The following RBFOX3 variants were observed in gnomAD, a reference collection of about 807,000 sequenced individuals.
RBFOX3 encodes RNA binding protein fox-1 homolog 3.
Under a neutral mutation model 48.7 loss-of-function variants are expected in RBFOX3, and 17 were observed. That is an observed-to-expected ratio of 0.35 (90% CI 0.24 to 0.52). The LOEUF (loss-of-function observed/expected upper bound fraction) is 0.52. Ranked by LOEUF, RBFOX3 falls within the 20% of genes least tolerant of loss-of-function variation. The pLI, the probability that RBFOX3 is intolerant of heterozygous loss-of-function variation, is 0.94. For missense variants in RBFOX3, 382 were observed against 497.5 expected (o/e 0.77, Z 2.21); for synonymous variants, 212 against 209.5 (o/e 1.01, Z -0.10).
At chr17:79,388,845 G>A (rs113398883) in intron 2 of RBFOX3, among the ~76,000 whole-genome samples, 2,380 of 152,296 alleles carry the variant, frequency 0.016, 72 homozygotes, top group African/African-American at 0.054. Context: ...CATCTTGCCC[G>A]CTAACCACTT....
At position 79,477,535 on chromosome 17, in the gene RBFOX3, G is replaced by A. The variant is rs1401230485; in HGVS notation, c.-175+4919C>T. Among the ~76,000 whole-genome samples, 32 of 151,224 alleles carry A rather than the reference G, an allele frequency of 2.1e-4. No homozygotes were observed. Among genetic ancestry groups the A allele is most frequent in the Non-Finnish European group, 2.7e-4 (18 of 67,902 alleles). On this transcript the variant is annotated intron_variant, in intron 2 of 14. Transcript: ENST00000693108. The surrounding 1 kb of genome is among the most constrained non-coding windows in gnomAD (Gnocchi z 4.8). ...CGCCCCATCGCACTCCAGCCTGGGC[G>A]ACAGAGCGAAACTCCGTCACCGGAA...
chr17:79,468,937 A>AGGATGGATGGAT (rs199614550), intron 2 of RBFOX3, among the ~76,000 whole-genome samples: 14 of 90,028 alleles, frequency 1.6e-4, no homozygotes, highest in African/African-American at 3.7e-4. Context: ...TAGAGACGGG[A>AGGATGGATGGAT]GGATGGATGG....
chr17:79,232,341 G>A (rs983305731), intron 4 of RBFOX3, among the ~76,000 whole-genome samples: 1 of 152,068 alleles, frequency 6.6e-6, no homozygotes, highest in Non-Finnish European at 1.5e-5. Context: ...TGAAAAAGAA[G>A]GACAAAGAAC....
intron 2 of RBFOX3, among the ~76,000 whole-genome samples, chr17:79,395,721 C>T (rs989466365): frequency 2.0e-5 from 3 of 152,232 alleles, no homozygotes; most frequent in African/African-American, 7.2e-5. Flanking sequence ...AAGCACAAGG[C>T]AGAAGCGCCT....
intron 2 of RBFOX3, among the ~76,000 whole-genome samples, chr17:79,402,895 C>T (rs1249740863): frequency 6.6e-6 from 1 of 152,114 alleles, no homozygotes; most frequent in Non-Finnish European, 1.5e-5. Flanking sequence ...TGGGGCTGCC[C>T]CGAGGTTGCA....
Position 79,299,553 on chromosome 17 carries a change from G to A in RBFOX3, c.-74+8171C>T, listed in dbSNP as rs982100358. ...ATCTCCAGGGTACTGGAGGATGCAC[G>A]TGGGTTACATGCAGAGGCTGCGCCA... On this transcript the variant is annotated intron_variant, in intron 3 of 14. Transcript: ENST00000693108. The surrounding 1 kb of genome is among the most constrained non-coding windows in gnomAD (Gnocchi z 4.5). 5.9e-5 allele frequency among the ~76,000 whole-genome samples: 9 copies of A among 152,240 alleles called. No homozygotes were observed. The highest frequency in any genetic ancestry group is 2.1e-4 in the South Asian group (1 of 4,832).
chr17:79,538,436 A>C (rs1286392934), intron 1 of RBFOX3, among the ~76,000 whole-genome samples: 2 of 152,164 alleles, frequency 1.3e-5, no homozygotes, highest in African/African-American at 4.8e-5. Context: ...AGTGAAGGGC[A>C]AGTTTGGCCT....
chr17:79,106,774 C>T lies in RBFOX3; in HGVS notation c.237G>A (p.Ala79=), dbSNP rs770647329. 2.9e-5 allele frequency: 44 copies of T among 1,522,656 alleles called. No individual in the cohort carries two copies. Among genetic ancestry groups the T allele is most frequent in the East Asian group, 1.6e-4 (6 of 38,232 alleles). 94.3% of individuals were successfully genotyped at this position (1,522,656 alleles called of 1,614,324 possible). ...GTQTVPQTDE[A]AQTDSQPLHP... ...GGAGCGGCTGGCTGTCCGTCTGTGC[C>T]GCCTCGTCTGTCTGCTGCAGGGAGA... Residue 79 remains alanine (A), a synonymous_variant, in exon 6 of 15, where the codon GCG becomes GCA. Transcript: ENST00000693108.
At chr17:79,635,453 T>C in the RBFOX3 span, among the ~76,000 whole-genome samples, 3 of 152,170 alleles carry the variant, frequency 2.0e-5, no homozygotes, top group African/African-American at 7.2e-5. Context: ...CCCAGACGAT[T>C]CTCTTGGATG....
chr17:79,558,413 C>T (rs897267418), intron 1 of RBFOX3, among the ~76,000 whole-genome samples: 2 of 152,220 alleles, frequency 1.3e-5, no homozygotes, highest in South Asian at 2.1e-4. Flanking sequence ...AGGGTCCAGG[C>T]GCAGAGACCG....
intron 1 of RBFOX3, among the ~76,000 whole-genome samples, chr17:79,531,215 G>C (rs1248046863): frequency 6.6e-6 from 1 of 152,240 alleles, no homozygotes; most frequent in Non-Finnish European, 1.5e-5. Flanking sequence ...CCCACAGACT[G>C]TGCTTGCCCA....
intron 4 of RBFOX3, among the ~76,000 whole-genome samples, chr17:79,189,307 C>G (rs138482063): frequency 1.2e-3 from 187 of 152,340 alleles, no homozygotes; most frequent in African/African-American, 4.3e-3. Flanking sequence ...CAAGGTCACA[C>G]AACCAGTTAG....
At chr17:79,263,252 C>G (rs1330690964) in intron 3 of RBFOX3, among the ~76,000 whole-genome samples, 1 of 152,246 alleles carries the variant, frequency 6.6e-6, no homozygotes, top group Non-Finnish European at 1.5e-5. Context: ...CAAGGGCAAA[C>G]TTTTCGTGAT....
chr17:79,639,657 A>G, the RBFOX3 span, among the ~76,000 whole-genome samples: 1 of 152,230 alleles, frequency 6.6e-6, no homozygotes, highest in Non-Finnish European at 1.5e-5. Flanking sequence ...ACCAAGTGGA[A>G]TTTATCCCTG....
At chr17:79,412,184 GTA>G (rs2148597834) in intron 2 of RBFOX3, among the ~76,000 whole-genome samples, 1 of 152,110 alleles carries the variant, frequency 6.6e-6, no homozygotes, top group East Asian at 1.9e-4. Flanking sequence ...GCACATATGT[GTA>G]TATGTGTGAG....
At chr17:79,095,011 C>T (rs755706578) in intron 13 of RBFOX3, among the ~76,000 whole-genome samples, 19 of 152,128 alleles carry the variant, frequency 1.2e-4, no homozygotes, top group Non-Finnish European at 2.8e-4. Flanking sequence ...AGGGAACTCT[C>T]AGCTCCTTAG....
intron 2 of RBFOX3, among the ~76,000 whole-genome samples, chr17:79,358,003 G>A (rs2085543422): frequency 6.6e-6 from 1 of 151,858 alleles, no homozygotes; most frequent in Non-Finnish European, 1.5e-5. Context: ...CTGGAGTACA[G>A]TGGCACATTC....
At chr17:79,137,667 G>GC (rs1406699243) in intron 4 of RBFOX3, among the ~76,000 whole-genome samples, 8 of 80,290 alleles carry the variant, frequency 1.0e-4, no homozygotes, top group African/African-American at 3.2e-4. Context: ...GGAGGGTGTC[G>GC]GGGGAGGAGG....
At chr17:79,436,880 A>C (rs1317139272) in intron 2 of RBFOX3, among the ~76,000 whole-genome samples, 1 of 151,888 alleles carries the variant, frequency 6.6e-6, no homozygotes, top group Non-Finnish European at 1.5e-5. Context: ...ACTGCCACCC[A>C]CCCCCTCCAC....
Sources: gnomAD v4.1 joint callset for allele counts (sites outside exome capture counted in the v4.1 genomes callset) on GRCh38, gnomAD v4.1.1 for gene constraint, Gnocchi (gnomAD v3.1) non-coding constraint, MANE v1.5 for transcripts, NCBI Gene and HGNC (gene_info 2026-07-23, HGNC 2026-07-21) for gene names.